Variants in TEC observed in about 807,000 individuals in gnomAD.
TEC encodes tec protein tyrosine kinase.
TEC carries 72 observed loss-of-function variants against 93.0 expected under a neutral mutation model. The ratio of observed to expected loss-of-function variants is 0.77; its 90% CI spans 0.64 to 0.94. The LOEUF (loss-of-function observed/expected upper bound fraction) is 0.94, where lower values mean the gene tolerates loss of function less well. TEC is among the 40% of genes least tolerant of loss of function. The probability of loss-of-function intolerance (pLI) is 0.00; values close to 1 mark genes in which losing one functional copy is unlikely to be tolerated. For synonymous variants in TEC, 249 were observed against 247.7 expected (o/e 1.01, Z -0.05); for missense variants, 630 against 757.9 (o/e 0.83, Z 1.98).
Position 48,141,498 on chromosome 4 carries a change from T to G in TEC, c.1471-79A>C, listed in dbSNP as rs2109502744. ...AGGAAAATGTAAGTTCTATTTATAT[T>G]AAATTTAGTGTAACCTAGTCAACAT... On this transcript the variant is annotated intron_variant, in intron 14 of 17. Transcript: ENST00000381501. 7.2e-6 allele frequency: 10 copies of G among 1,392,460 alleles called. No homozygotes were observed. In the South Asian group the frequency reaches 1.2e-4, roughly 17 times the overall value. The allele number at this position is 1,392,460 out of a possible 1,614,324, so 86.3% of individuals were successfully genotyped here.
chr4:48,191,612 G>T (rs771038573), intron 2 of TEC, among the ~76,000 whole-genome samples: 2 of 152,060 alleles, frequency 1.3e-5, no homozygotes, highest in African/African-American at 4.8e-5. Flanking sequence ...TCTTAAAACA[G>T]AATAATATTT....
Position 48,176,170 on chromosome 4 carries a change from C to G in TEC, c.155G>C (p.Gly52Ala), listed in dbSNP as rs1171685686. ...CTTGATTTTTGAAACATCAATAAACCCCTTTCTGTATTTCTTCTGTTAAAA... is the reference window on the plus strand; with the variant it reads ...CTTGATTTTTGAAACATCAATAAACGCCTTTCTGTATTTCTTCTGTTAAAA... ...EGRAEKKYRKGFIDVSKIKCV... is the reference protein window; with the variant it reads ...EGRAEKKYRKAFIDVSKIKCV... The change falls in exon 3 of 18, where the codon GGG becomes GCG. Residue 52 changes from glycine (G) to alanine (A), a missense_variant. Coordinates refer to ENST00000381501, the MANE Select transcript of TEC (RefSeq NM_003215.3). The G allele has an allele frequency of 6.2e-7, 1 of 1,611,414 alleles. No individual in the cohort carries two copies. Among genetic ancestry groups the G allele is most frequent in the Admixed American group, 1.7e-5 (1 of 59,992 alleles).
At chr4:48,228,774 G>A in intron 1 of TEC, 115 bp from the exon 2 acceptor site, 1 of 816,124 alleles carries the variant, frequency 1.2e-6, no homozygotes, top group Non-Finnish European at 1.8e-6. Context: ...GATGAGTATT[G>A]ATCTCTGTGC....
intron 9 of TEC, among the ~76,000 whole-genome samples, chr4:48,151,552 T>A (rs924802405): frequency 2.6e-5 from 4 of 152,214 alleles, no homozygotes; most frequent in Non-Finnish European, 5.9e-5. Context: ...AGTGGTGCGA[T>A]CTCAGCTCAC....
intron 8 of TEC, among the ~76,000 whole-genome samples, chr4:48,159,408 T>G (rs1416226442): frequency 6.6e-6 from 1 of 152,130 alleles, no homozygotes; most frequent in Non-Finnish European, 1.5e-5. Flanking sequence ...TTTTTATTTT[T>G]TTGGGACAGA....
chr4:48,175,320 C>A (rs1217709465), intron 3 of TEC, among the ~76,000 whole-genome samples: 1 of 152,202 alleles, frequency 6.6e-6, no homozygotes, highest in African/African-American at 2.4e-5. Context: ...TTGAAAAAGA[C>A]TTTTGCAACT....
chr4:48,150,522 T>C (rs769049664), intron 10 of TEC, among the ~76,000 whole-genome samples: 4 of 152,170 alleles, frequency 2.6e-5, no homozygotes, highest in Non-Finnish European at 4.4e-5. Flanking sequence ...CACTCTCTGT[T>C]ACTGGGCTGC....
chr4:48,209,261 T>C (rs1177929100), intron 2 of TEC, among the ~76,000 whole-genome samples: 2 of 152,112 alleles, frequency 1.3e-5, no homozygotes, highest in African/African-American at 4.8e-5. Context: ...CATAATGAAG[T>C]TGATGATAGA....
At chr4:48,185,627 AAAAG>A (rs1240919074) in intron 2 of TEC, among the ~76,000 whole-genome samples, 1 of 152,234 alleles carries the variant, frequency 6.6e-6, no homozygotes, top group Non-Finnish European at 1.5e-5. Context: ...ACTAAGGAGA[AAAAG>A]AAACATATTA....
At position 48,170,403 on chromosome 4, in the gene TEC, T is replaced by C. The variant is rs755477209; in HGVS notation, c.326-27A>G. ...TGTAATTCACAGATATAGTAATTAA[T>C]AGTGAAATACAAAAGCAACTACAGA... On this transcript the variant is annotated intron_variant, in intron 4 of 17. Transcript: ENST00000381501. The C allele has an allele frequency of 7.0e-6, 9 of 1,285,520 alleles. No homozygotes were observed. In the East Asian group the frequency reaches 1.4e-4, roughly 20 times the overall value. The allele number at this position is 1,285,520 out of a possible 1,614,324, so 79.6% of individuals were successfully genotyped here.
chr4:48,178,764 G>A (rs1191270736), intron 2 of TEC, among the ~76,000 whole-genome samples: 3 of 152,120 alleles, frequency 2.0e-5, no homozygotes, highest in Non-Finnish European at 2.9e-5. Context: ...GCCTACAGAC[G>A]CATTCAGGGC....
chr4:48,262,169 A>G (rs1455212480), intron 1 of TEC, among the ~76,000 whole-genome samples: 2 of 145,130 alleles, frequency 1.4e-5, no homozygotes, highest in African/African-American at 5.0e-5. Flanking sequence ...TAGATTGTTG[A>G]GTACAACTTG....
intron 2 of TEC, among the ~76,000 whole-genome samples, chr4:48,184,412 A>C (rs992587153): frequency 2.6e-5 from 4 of 152,222 alleles, no homozygotes; most frequent in Admixed American, 2.0e-4. Flanking sequence ...AATACAAACA[A>C]AACTATACAG....
At chr4:48,165,459 AAAT>A (rs1459761908) in intron 7 of TEC, among the ~76,000 whole-genome samples, 5 of 152,248 alleles carry the variant, frequency 3.3e-5, no homozygotes, top group African/African-American at 1.2e-4. Context: ...ACCCCTAATG[AAAT>A]AATGACTCTA....
At chr4:48,184,946 G>C (rs1188831512) in intron 2 of TEC, among the ~76,000 whole-genome samples, 1 of 152,096 alleles carries the variant, frequency 6.6e-6, no homozygotes, top group Non-Finnish European at 1.5e-5. Context: ...TATTTAGTTT[G>C]TGAACTTGGT....
chr4:48,169,938 GTTTA>G (rs1695634277), intron 5 of TEC, among the ~76,000 whole-genome samples: 1 of 152,116 alleles, frequency 6.6e-6, no homozygotes, highest in Non-Finnish European at 1.5e-5. Flanking sequence ...CCACATCTTG[GTTTA>G]TTTGTTGAAG....
chr4:48,246,883 A>G (rs1560424389), intron 1 of TEC, among the ~76,000 whole-genome samples: 1 of 152,232 alleles, frequency 6.6e-6, no homozygotes, highest in Admixed American at 6.5e-5. Flanking sequence ...CATAAGCAAG[A>G]AAAGAAAAAT....
intron 2 of TEC, among the ~76,000 whole-genome samples, chr4:48,205,884 T>C (rs557270915): frequency 6.6e-6 from 1 of 152,304 alleles, no homozygotes; most frequent in African/African-American, 2.4e-5. Context: ...AACTTGTACA[T>C]GAATATTCAT....
intron 1 of TEC, among the ~76,000 whole-genome samples, chr4:48,251,751 G>A (rs905845000): frequency 2.6e-5 from 4 of 152,296 alleles, no homozygotes; most frequent in African/African-American, 9.6e-5. Flanking sequence ...AAAAAGAAGA[G>A]GGGTGGGATG....
Sources: allele counts gnomAD v4.1 joint callset (sites outside exome capture counted in the v4.1 genomes callset), GRCh38; gene constraint gnomAD v4.1.1; transcripts MANE v1.5; gene names NCBI Gene and HGNC (gene_info 2026-07-23, HGNC 2026-07-21).